SGCD: variants seen among roughly 807,000 people sequenced by gnomAD.
SGCD encodes delta-sarcoglycan.
A neutral mutation model predicts 36.6 loss-of-function variants in SGCD; 18 were observed. The observed-to-expected ratio is 0.49, with a 90% CI of 0.34 to 0.73. The LOEUF (loss-of-function observed/expected upper bound fraction) is 0.73. Among genes scored for constraint, SGCD ranks in the 30% least tolerant of loss-of-function variants. The probability of loss-of-function intolerance (pLI) is 0.01; values close to 1 mark genes in which losing one functional copy is unlikely to be tolerated. For missense variants in SGCD, 387 were observed against 346.7 expected, an observed-to-expected ratio of 1.12 and a Z score of -0.92; for synonymous variants, 133 against 130.6, an observed-to-expected ratio of 1.02 and a Z score of -0.12.
chr5:156,071,009 G>C (rs566759378), intron 1 of SGCD, among the ~76,000 whole-genome samples: 2 of 152,142 alleles, frequency 1.3e-5, no homozygotes, highest in East Asian at 3.9e-4. Flanking sequence ...GCATCTATTT[G>C]ATTCTTCTCT....
the SGCD span, among the ~76,000 whole-genome samples, chr5:155,777,714 G>A: frequency 1.9e-4 from 29 of 152,216 alleles, no homozygotes; most frequent in African/African-American, 6.0e-4. Flanking sequence ...AGCCACTGAC[G>A]CATGATTTGG....
the SGCD span, among the ~76,000 whole-genome samples, chr5:155,743,375 C>A: frequency 6.6e-6 from 1 of 152,166 alleles, no homozygotes; most frequent in Non-Finnish European, 1.5e-5. Flanking sequence ...ACAAAAGATT[C>A]TTCTAGCTCC....
At chr5:156,243,912 T>C (rs1765367327) in intron 3 of SGCD, among the ~76,000 whole-genome samples, 1 of 152,186 alleles carries the variant, frequency 6.6e-6, no homozygotes, top group Non-Finnish European at 1.5e-5. Context: ...TTCATAGTGA[T>C]ACAAATAAGT....
intron 7 of SGCD, among the ~76,000 whole-genome samples, chr5:156,670,048 G>T (rs149155328): frequency 6.6e-6 from 1 of 151,948 alleles, no homozygotes; most frequent in Non-Finnish European, 1.5e-5. Flanking sequence ...ATTTGAGAGG[G>T]GCAATGTGAC....
chr5:155,944,584 G>A lies in SGCD; in HGVS notation c.-282+74160G>A, dbSNP rs918449172. 3.9e-5 allele frequency among the ~76,000 whole-genome samples: 6 copies of A among 152,092 alleles called. No individual in the cohort carries two copies. The South Asian group carries it at 8.3e-4, about 21-fold the overall frequency. On this transcript the variant is annotated intron_variant, in intron 1 of 9. Coordinates refer to the SGCD transcript ENST00000517913. ...TTTAATTATTTAACTTAGAATCAGC[G>A]CTGTTGTTACAGTCATAATAGTTTT...
chr5:156,289,610 T>G (rs1404761975), intron 3 of SGCD, among the ~76,000 whole-genome samples: 2 of 151,984 alleles, frequency 1.3e-5, no homozygotes, highest in African/African-American at 4.8e-5. Context: ...TTATTTTATT[T>G]TATTTTTGGC....
intron 3 of SGCD, among the ~76,000 whole-genome samples, chr5:156,260,942 T>C (rs929868433): frequency 6.6e-6 from 1 of 152,158 alleles, no homozygotes; most frequent in African/African-American, 2.4e-5. Context: ...CTATTCTTCA[T>C]TGTATTAATG....
intron 1 of SGCD, among the ~76,000 whole-genome samples, chr5:156,029,926 C>G (rs3097855): frequency 0.18 from 27,500 of 152,116 alleles, 2,953 homozygotes; most frequent in African/African-American, 0.27. Context: ...ATTAAGCAGC[C>G]TTTCTTCCCC....
At chr5:156,095,158 A>G (rs969199787) in intron 1 of SGCD, among the ~76,000 whole-genome samples, 2 of 151,922 alleles carry the variant, frequency 1.3e-5, no homozygotes, top group Admixed American at 6.5e-5. Flanking sequence ...TGTTGGATGG[A>G]TCAGTCTGAC....
rs893934172 is a variant in SGCD at position 156,273,929 on chromosome 5, G to T, written c.-43-55605G>T. 5.9e-5 allele frequency among the ~76,000 whole-genome samples: 9 copies of T among 152,096 alleles called. No individual in the cohort carries two copies. The South Asian group carries it at 1.4e-3, about 24-fold the overall frequency. ...AAACCCAATTCTATTCTCAGGGATT[G>T]GACATAATTCCAAGGTTCCATACAG... On this transcript the variant is annotated intron_variant, in intron 3 of 9. Transcript: ENST00000517913.
At chr5:156,032,749 C>T (rs1444510457) in intron 1 of SGCD, among the ~76,000 whole-genome samples, 3 of 125,006 alleles carry the variant, frequency 2.4e-5, no homozygotes, top group African/African-American at 6.4e-5. Context: ...GTGTTTAATT[C>T]CCAAATACAC....
intron 1 of SGCD, among the ~76,000 whole-genome samples, chr5:155,873,743 T>C (rs946792772): frequency 2.6e-5 from 4 of 152,146 alleles, no homozygotes; most frequent in Admixed American, 2.0e-4. Flanking sequence ...AGTAAGAGGA[T>C]ATCTCTCAAA....
chr5:156,692,725 G>GT (rs1754166382), intron 7 of SGCD, among the ~76,000 whole-genome samples: 1 of 152,120 alleles, frequency 6.6e-6, no homozygotes. Context: ...ATTGCTAAGT[G>GT]TTTTTTAGTG....
At chr5:155,935,371 A>G (rs1757174364) in intron 1 of SGCD, among the ~76,000 whole-genome samples, 1 of 152,156 alleles carries the variant, frequency 6.6e-6, no homozygotes, top group Non-Finnish European at 1.5e-5. Flanking sequence ...TGGCTGGGCT[A>G]TTGTGGTTGA....
chr5:155,832,380 T>C, the SGCD span, among the ~76,000 whole-genome samples: 1 of 152,216 alleles, frequency 6.6e-6, no homozygotes, highest in Non-Finnish European at 1.5e-5. Context: ...CTAACATTTA[T>C]GAACTTTGTG....
rs896050802 is a variant in SGCD at position 156,345,288 on chromosome 5, G to C, written c.192+611G>C. ...TTTATGTTTCTTCAATGAAACTTTTGCTATTGGTGTTTGGGGTCCCTGTAC... is the reference window on the plus strand; with the variant it reads ...TTTATGTTTCTTCAATGAAACTTTTCCTATTGGTGTTTGGGGTCCCTGTAC... On this transcript the variant is annotated intron_variant, in intron 3 of 8. Coordinates refer to ENST00000337851, the MANE Select transcript of SGCD (RefSeq NM_000337.6). 4.6e-5 allele frequency among the ~76,000 whole-genome samples: 7 copies of C among 151,894 alleles called. No homozygotes were observed. In the East Asian group the frequency reaches 1.4e-3, roughly 29 times the overall value.
chr5:155,814,102 C>T, the SGCD span, among the ~76,000 whole-genome samples: 1 of 152,162 alleles, frequency 6.6e-6, no homozygotes, highest in Non-Finnish European at 1.5e-5. Flanking sequence ...ATCACAAATC[C>T]CTCATCTAGT....
chr5:156,686,817 A>AAG (rs1753922244), intron 7 of SGCD, among the ~76,000 whole-genome samples: 2 of 152,312 alleles, frequency 1.3e-5, no homozygotes, highest in Admixed American at 6.5e-5. Flanking sequence ...CCAAAGCTAC[A>AAG]AGAGAATTTG....
chr5:155,983,926 A>C (rs1182880385), intron 1 of SGCD, among the ~76,000 whole-genome samples: 2 of 152,104 alleles, frequency 1.3e-5, no homozygotes, highest in South Asian at 2.1e-4. Context: ...TGTCCATGGC[A>C]GTGGCTGCAA....
Sources: gnomAD v4.1 joint callset for allele counts (sites outside exome capture counted in the v4.1 genomes callset) on GRCh38, gnomAD v4.1.1 for gene constraint, MANE v1.5 for transcripts, NCBI Gene and HGNC (gene_info 2026-07-23, HGNC 2026-07-21) for gene names.